ARHGEF3: variants seen among roughly 807,000 people sequenced by gnomAD.
ARHGEF3 encodes the protein Rho guanine nucleotide exchange factor 3.
ARHGEF3 carries 28 observed loss-of-function variants against 63.2 expected under a neutral mutation model. The ratio of observed to expected loss-of-function variants is 0.44; its 90% confidence interval spans 0.33 to 0.61. ARHGEF3 has a LOEUF of 0.61. Among genes scored for constraint, ARHGEF3 ranks in the 20% least tolerant of loss-of-function variants. ARHGEF3 has a pLI of 0.03. For missense variants in ARHGEF3, 533 were observed against 659.3 expected, an observed-to-expected ratio of 0.81 and a Z score of 2.10; for synonymous variants, 266 against 254.2, an observed-to-expected ratio of 1.05 and a Z score of -0.44.
intron 4 of ARHGEF3, among the ~76,000 whole-genome samples, chr3:56,877,894 T>C (rs2040642170): frequency 6.6e-6 from 1 of 152,162 alleles, no homozygotes; most frequent in African/African-American, 2.4e-5. Flanking sequence ...CTATTATCTT[T>C]ATACCATTTG....
chr3:57,077,937 A>G (rs1287739337), intron 1 of ARHGEF3, among the ~76,000 whole-genome samples: 1 of 152,136 alleles, frequency 6.6e-6, no homozygotes, highest in Admixed American at 6.5e-5. Context: ...CTGTGTAAGC[A>G]CCACCAGCTC....
At chr3:57,048,243 C>T (rs1396847422) in intron 1 of ARHGEF3, among the ~76,000 whole-genome samples, 5 of 152,188 alleles carry the variant, frequency 3.3e-5, no homozygotes. Context: ...ACCCACAGTG[C>T]ACATGAGAAA....
Position 56,969,246 on chromosome 3 carries a change from A to AT in ARHGEF3, c.63-10358_63-10357insA, listed in dbSNP as rs1553794724. ...CAAATAATATAGGACTACCCTATTC[A>AT]AAACAATTCCAGAATTAACTAGAGA... On this transcript the variant is annotated intron_variant, in intron 2 of 12. Coordinates refer to the ARHGEF3 transcript ENST00000338458. Among the ~76,000 whole-genome samples the AT allele has an allele frequency of 2.8e-4, 42 of 149,070 alleles. 1 individual carries two copies. Among genetic ancestry groups the AT allele is most frequent in the East Asian group, 4.1e-4 (2 of 4,846 alleles).
At chr3:56,764,313 G>T (rs1003824687) in intron 2 of ARHGEF3, among the ~76,000 whole-genome samples, 1 of 152,122 alleles carries the variant, frequency 6.6e-6, no homozygotes, top group Non-Finnish European at 1.5e-5. Context: ...AATGGCTTTT[G>T]CATGAGAATG....
In ARHGEF3 at chr3:56,947,741, T is replaced by C. The variant is rs1436040090; in HGVS notation, c.129+11082A>G. ...CAACGAGACAGAAAGTTAACAAGGA[T>C]ATTGAGGAATTGAACTCAGCTCTGC... On this transcript the variant is annotated intron_variant, in intron 3 of 12. Transcript: ENST00000338458. 2.0e-5 allele frequency among the ~76,000 whole-genome samples: 3 copies of C among 152,162 alleles called. No homozygotes were observed. The East Asian group carries it at 5.8e-4, about 29-fold the overall frequency.
chr3:57,002,496 T>TATAG (rs1560122954), intron 2 of ARHGEF3, among the ~76,000 whole-genome samples: 1 of 8,122 alleles, frequency 1.2e-4, no homozygotes, highest in African/African-American at 2.8e-4. Flanking sequence ...TATATATATA[T>TATAG]GTTATATATA....
chr3:56,918,494 G>C (rs979862832), intron 3 of ARHGEF3, among the ~76,000 whole-genome samples: 10 of 152,244 alleles, frequency 6.6e-5, no homozygotes, highest in African/African-American at 2.4e-4. Context: ...TGAAACTTGA[G>C]GGGCTCCAGG....
chr3:56,800,625 A>G (rs1437222724), intron 1 of ARHGEF3, among the ~76,000 whole-genome samples: 2 of 152,208 alleles, frequency 1.3e-5, no homozygotes, highest in Non-Finnish European at 2.9e-5. Flanking sequence ...AAGTGCATAC[A>G]GCTGAGCAGA....
intron 3 of ARHGEF3, chr3:56,939,681 G>T (rs1470624326): frequency 6.6e-6 from 1 of 151,928 alleles, no homozygotes; most frequent in Non-Finnish European, 1.5e-5. Context: ...GATTGTCCAG[G>T]TTGAAAAAAA....
At chr3:57,020,261 G>A (rs1449863879) in intron 2 of ARHGEF3, among the ~76,000 whole-genome samples, 2 of 152,094 alleles carry the variant, frequency 1.3e-5, no homozygotes, top group Admixed American at 6.5e-5. Context: ...TGATTTGCAG[G>A]GTCCTGGGGC....
intron 1 of ARHGEF3, among the ~76,000 whole-genome samples, chr3:56,784,242 G>T (rs1297773701): frequency 1.3e-5 from 2 of 152,182 alleles, no homozygotes; most frequent in Non-Finnish European, 2.9e-5. Context: ...AGTCTCTGTG[G>T]CCCTTATGGG....
chr3:56,864,479 C>G (rs971280823), intron 4 of ARHGEF3, among the ~76,000 whole-genome samples: 4 of 152,222 alleles, frequency 2.6e-5, no homozygotes, highest in African/African-American at 9.6e-5. Flanking sequence ...GTTAAATGCC[C>G]TAACAGCAAC....
intron 4 of ARHGEF3, among the ~76,000 whole-genome samples, chr3:56,875,647 T>A (rs2040563165): frequency 6.6e-6 from 1 of 152,246 alleles, no homozygotes; most frequent in Non-Finnish European, 1.5e-5. Flanking sequence ...CCTTAAATTT[T>A]AAAAATTCTA....
At chr3:56,940,864 G>C (rs1699144995) in intron 3 of ARHGEF3, 1 of 152,100 alleles carries the variant, frequency 6.6e-6, no homozygotes, top group Non-Finnish European at 1.5e-5. Flanking sequence ...TCAGAAAATG[G>C]CATTATTTTC....
Position 56,833,754 on chromosome 3 carries a change from C to T in ARHGEF3, c.192+48538G>A, listed in dbSNP as rs559733040. ...CAGAATATGCACATTTACAATCTCACCACATGTTCACTTTCTTTTTTAACA... is the reference window on the plus strand; with the variant it reads ...CAGAATATGCACATTTACAATCTCATCACATGTTCACTTTCTTTTTTAACA... On this transcript the variant is annotated intron_variant, in intron 4 of 12. Coordinates refer to the ARHGEF3 transcript ENST00000338458. Among the ~76,000 whole-genome samples the T allele has an allele frequency of 4.5e-4, 69 of 152,310 alleles. No homozygotes were observed. The South Asian group carries it at 0.013, about 30-fold the overall frequency.
chr3:57,002,934 C>T (rs564677897), intron 2 of ARHGEF3, among the ~76,000 whole-genome samples: 183 of 151,486 alleles, frequency 1.2e-3, no homozygotes, highest in African/African-American at 4.2e-3. Flanking sequence ...CCACCACGCC[C>T]GGCTAATTTT....
chr3:57,043,309 G>T (rs7623795), intron 1 of ARHGEF3, among the ~76,000 whole-genome samples: 113,280 of 151,550 alleles, frequency 0.75, 42,945 homozygotes, highest in East Asian at 0.94. Flanking sequence ...TAGAGATGGG[G>T]TTTCACCACG....
chr3:56,779,968 C>A (rs2107868903), intron 1 of ARHGEF3, among the ~76,000 whole-genome samples: 1 of 152,262 alleles, frequency 6.6e-6, no homozygotes, highest in South Asian at 2.1e-4. Context: ...GGGCGAAGAG[C>A]TTTATAAGGA....
chr3:56,841,326 T>C (rs553438480), intron 4 of ARHGEF3, among the ~76,000 whole-genome samples: 1 of 152,276 alleles, frequency 6.6e-6, no homozygotes, highest in South Asian at 2.1e-4. Context: ...GGCTTCTTAT[T>C]GGGTGGGCTT....
Sources: gnomAD v4.1 joint callset for allele counts (sites outside exome capture counted in the v4.1 genomes callset) on GRCh38, gnomAD v4.1.1 for gene constraint, MANE v1.5 for transcripts, NCBI Gene and HGNC (gene_info 2026-07-23, HGNC 2026-07-21) for gene names.